Variants in EFEMP2 observed in about 807,000 individuals in gnomAD.
EFEMP2 encodes EGF-like fibulin extracellular matrix protein 2.
EFEMP2 carries 21 observed loss-of-function variants against 55.3 expected under a neutral mutation model. That is an observed-to-expected ratio of 0.38 (90% CI 0.27 to 0.55). The LOEUF (loss-of-function observed/expected upper bound fraction) is 0.55, where lower values mean the gene tolerates loss of function less well. Among genes scored for constraint, EFEMP2 ranks in the 20% least tolerant of loss-of-function variants. The probability of loss-of-function intolerance (pLI) is 0.77; values close to 1 mark genes in which losing one functional copy is unlikely to be tolerated. For missense variants in EFEMP2, 513 were observed against 615.1 expected (o/e 0.83, Z 1.76); for synonymous variants, 275 against 242.3 (o/e 1.14, Z -1.25).
intron 4 of EFEMP2, 38 bp from the exon 5 acceptor site, chr11:65,870,696 G>A (rs760342413): frequency 8.7e-6 from 14 of 1,613,046 alleles, no homozygotes; most frequent in South Asian, 5.5e-5. Context: ...CTGGGATCCC[G>A]CACACCACCC....
At chr11:65,870,070 C>G in intron 6 of EFEMP2, 51 bp downstream of exon 6, 1 of 1,613,172 alleles carries the variant, frequency 6.2e-7, no homozygotes, top group Non-Finnish European at 8.5e-7. Context: ...AGCGCCCCCA[C>G]CTCACACCTC....
At chr11:65,867,354 C>T (rs1859871326) in intron 10 of EFEMP2, 1 of 542,972 alleles carries the variant, frequency 1.8e-6, no homozygotes. Context: ...CCACATGTGG[C>T]TCTTGGGACT....
At chr11:65,868,759 C>T in intron 7 of EFEMP2, 130 bp from the exon 8 acceptor site, 1 of 1,344,038 alleles carries the variant, frequency 7.4e-7, no homozygotes, top group Non-Finnish European at 1.0e-6. Flanking sequence ...ATGAGACAAG[C>T]CACAAGTTCA....
At chr11:65,868,268 T>C in intron 9 of EFEMP2, 27 bp downstream of exon 9, 1 of 1,613,100 alleles carries the variant, frequency 6.2e-7, no homozygotes, top group Non-Finnish European at 8.5e-7. Flanking sequence ...GTAGTTTCTG[T>C]GGGGGCCTGG....
At position 65,869,887 on chromosome 11, in the gene EFEMP2, CAT is replaced by C. The variant is rs778125262; in HGVS notation, c.695_696del (p.Tyr232Ter). The C allele has an allele frequency of 6.2e-7, 1 of 1,614,070 alleles. No homozygotes were observed. The highest frequency in any genetic ancestry group is 1.7e-5 in the Admixed American group (1 of 60,032). On this transcript the variant is annotated frameshift_variant, in exon 7 of 11. Coordinates refer to ENST00000307998, the MANE Select transcript of EFEMP2 (RefSeq NM_016938.5). LOFTEE classifies it high-confidence loss of function. ...CAGGAGAAGCCATCCCGATGCAGCTCATAGCCCTGGTGGCAGCGACACAGGAA... is the reference window on the plus strand; with the variant it reads ...CAGGAGAAGCCATCCCGATGCAGCTCAGCCCTGGTGGCAGCGACACAGGAA... ...GTFLCRCHQG[Y>X]ELHRDGFSCS... is the part of the protein sequence containing the mutation.
intron 3 of EFEMP2, 45 bp downstream of exon 3, chr11:65,871,925 C>T (rs1178607131): frequency 1.3e-6 from 2 of 1,549,896 alleles, no homozygotes; most frequent in Non-Finnish European, 1.7e-6. Flanking sequence ...GCTATCAATC[C>T]CTTTCCGGGT....
At chr11:65,868,718 T>C (rs1323705082) in intron 7 of EFEMP2, 89 bp from the exon 8 acceptor site, 3 of 1,561,056 alleles carry the variant, frequency 1.9e-6, no homozygotes, top group African/African-American at 1.3e-5. Flanking sequence ...CCCAGCCCCA[T>C]GTTAGACTGA....
chr11:65,872,158 G>T, intron 2 of EFEMP2, 86 bp downstream of exon 2: 4 of 1,493,726 alleles, frequency 2.7e-6, no homozygotes, highest in Non-Finnish European at 3.7e-6. Context: ...AGGGGAGGAA[G>T]ACTTCCCCGG....
intron 10 of EFEMP2, 154 bp downstream of exon 10, chr11:65,867,707 T>G: frequency 1.3e-6 from 1 of 784,232 alleles, no homozygotes; most frequent in Non-Finnish European, 2.2e-6. Flanking sequence ...GAATTGCATT[T>G]AGAGTACCCC....
chr11:65,867,717 C>G (rs1222331847), intron 10 of EFEMP2, 144 bp downstream of exon 10: 5 of 842,114 alleles, frequency 5.9e-6, no homozygotes, highest in Admixed American at 2.0e-5. Flanking sequence ...TAGAGTACCC[C>G]CGTCTTCCTG....
Position 65,866,596 on chromosome 11 carries a change from G to A in EFEMP2, c.*322C>T. On this transcript the variant is annotated 3_prime_UTR_variant, in exon 11 of 11. Coordinates refer to ENST00000307998, the MANE Select transcript of EFEMP2 (RefSeq NM_016938.5). ...CTTAGGACCCCTGCAAGCCAGCCAA[G>A]TCCAAATCTCTGGGCCGGGGCCTGG... is the stretch of plus-strand genomic sequence containing the variant. 1.4e-6 allele frequency: 1 copy of A among 702,936 alleles called. No individual in the cohort carries two copies. The highest frequency in any genetic ancestry group is 2.6e-6 in the Non-Finnish European group (1 of 385,040). 43.5% of individuals were successfully genotyped at this position (702,936 alleles called of 1,614,324 possible).
At chr11:65,871,527 T>C in intron 3 of EFEMP2, 164 bp from the exon 4 acceptor site, 1 of 698,286 alleles carries the variant, frequency 1.4e-6, no homozygotes, top group Admixed American at 2.4e-5. Context: ...CTCCCCAGGG[T>C]TGGCCAAGGC....
chr11:65,867,485 G>T, intron 10 of EFEMP2: 2 of 429,718 alleles, frequency 4.7e-6, no homozygotes, highest in South Asian at 2.2e-5. Context: ...GCATGCGGCT[G>T]CCAGTCACTG....
chr11:65,872,186 C>T lies in EFEMP2; in HGVS notation c.111+58G>A, dbSNP rs377035369. The T allele has an allele frequency of 3.0e-4, 462 of 1,515,282 alleles. 2 individuals are homozygous for T. In the African/African-American group the frequency reaches 5.9e-3, roughly 19 times the overall value. 93.9% of individuals were successfully genotyped at this position (1,515,282 alleles called of 1,614,324 possible). On this transcript the variant is annotated intron_variant, in intron 2 of 10. Coordinates refer to ENST00000307998, the MANE Select transcript of EFEMP2 (RefSeq NM_016938.5). ...TTCCCCGGCAGCAGTCACCCTGGGT[C>T]CCGGTCTCTTCCTCCCTACCCTTCC...
In EFEMP2 at chr11:65,866,864, A is replaced by C; in HGVS notation, c.*54T>G. On this transcript the variant is annotated 3_prime_UTR_variant, in exon 11 of 11. Transcript: ENST00000307998. ...TATTGCCTTTCTCATTCTGCCCCTC[A>C]CAACAGGCTCCTCAGCTAGGGTAGC... is the stretch of plus-strand genomic sequence containing the variant. 1 of 1,607,030 alleles carries C rather than the reference A, an allele frequency of 6.2e-7. No individual in the cohort carries two copies. Among genetic ancestry groups the C allele is most frequent in the Non-Finnish European group, 8.5e-7 (1 of 1,174,620 alleles).
At position 65,868,619 on chromosome 11, in the gene EFEMP2, CTCA is replaced by C. The variant is rs753199874; in HGVS notation, c.735_737del (p.Asp245del). The stretch of plus-strand genomic sequence containing the variant: ...GACAGAGGTAGCTGGAGTAGCTACA[CTCA>C]TCAATATCTGAGGAAGCATGGGGAT... On this transcript the variant is annotated inframe_deletion, in exon 8 of 11. Coordinates refer to ENST00000307998, the MANE Select transcript of EFEMP2 (RefSeq NM_016938.5). The C allele has an allele frequency of 3.1e-6, 5 of 1,613,782 alleles. No homozygotes were observed. The South Asian group carries it at 5.5e-5, about 18-fold the overall frequency.
chr11:65,867,553 A>C, intron 10 of EFEMP2: 2 of 472,558 alleles, frequency 4.2e-6, no homozygotes, highest in South Asian at 4.1e-5. Context: ...TCCACTAGCA[A>C]GGAGTGGACT....
intron 1 of EFEMP2, 154 bp downstream of exon 1, chr11:65,872,529 G>A (rs1435922745): frequency 7.6e-6 from 4 of 525,780 alleles, no homozygotes; most frequent in Non-Finnish European, 1.3e-5. Context: ...CCCAGGCCCG[G>A]GTCCCAGGCC....
At chr11:65,868,792 G>C in intron 7 of EFEMP2, 163 bp from the exon 8 acceptor site, 1 of 991,210 alleles carries the variant, frequency 1.0e-6, no homozygotes, top group Non-Finnish European at 1.5e-6. Flanking sequence ...AGGGTTCAAA[G>C]AAAGTTTGCC....
Sources: allele counts gnomAD v4.1 joint callset, GRCh38; gene constraint gnomAD v4.1.1; transcripts MANE v1.5; gene names NCBI Gene and HGNC (gene_info 2026-07-23, HGNC 2026-07-21).